NDST4: variants seen among roughly 807,000 people sequenced by gnomAD.
The protein encoded by NDST4 is N-deacetylase and N-sulfotransferase 4, also known as N-heparan sulfate sulfotransferase 4.
Under a neutral mutation model 100.8 loss-of-function variants are expected in NDST4, and 63 were observed. The observed-to-expected ratio is 0.62, with a 90% CI of 0.51 to 0.77. The LOEUF (loss-of-function observed/expected upper bound fraction) is 0.77. Among genes scored for constraint, NDST4 ranks in the 30% least tolerant of loss-of-function variants. The probability of loss-of-function intolerance (pLI) is 0.00; values close to 1 mark genes in which losing one functional copy is unlikely to be tolerated. For missense variants in NDST4, 943 were observed against 1,018.4 expected (o/e 0.93, Z 1.01); for synonymous variants, 377 against 361.8 (o/e 1.04, Z -0.48).
At chr4:114,978,242 A>T (rs189895393) in intron 2 of NDST4, among the ~76,000 whole-genome samples, 12 of 152,140 alleles carry the variant, frequency 7.9e-5, no homozygotes, top group Admixed American at 7.2e-4. Flanking sequence ...ACTCCTATCC[A>T]TCTGTTATGG....
At chr4:115,079,986 T>C (rs1216910896) in intron 1 of NDST4, among the ~76,000 whole-genome samples, 1 of 152,158 alleles carries the variant, frequency 6.6e-6, no homozygotes, top group Non-Finnish European at 1.5e-5. Context: ...ACACTTCAGA[T>C]TCCAAATATA....
intron 2 of NDST4, among the ~76,000 whole-genome samples, chr4:114,983,791 A>G (rs2126247771): frequency 6.6e-6 from 1 of 152,132 alleles, no homozygotes; most frequent in Admixed American, 6.5e-5. Context: ...TCCCCACCCA[A>G]ATCTCATGTC....
At chr4:114,895,083 G>A (rs1228598149) in intron 6 of NDST4, among the ~76,000 whole-genome samples, 5 of 151,994 alleles carry the variant, frequency 3.3e-5, no homozygotes, top group South Asian at 2.1e-4. Flanking sequence ...AAGAGCTAGA[G>A]AAGCAAGATC....
chr4:115,082,681 G>T (rs1578508880), intron 1 of NDST4, among the ~76,000 whole-genome samples: 1 of 151,970 alleles, frequency 6.6e-6, no homozygotes, highest in Non-Finnish European at 1.5e-5. Flanking sequence ...TACTCTTTAT[G>T]GATCTATTTT....
chr4:114,929,097 CATCCATCCATCCATCCATCT>C (rs1444650928), intron 6 of NDST4, among the ~76,000 whole-genome samples: 94 of 126,482 alleles, frequency 7.4e-4, no homozygotes, highest in African/African-American at 1.8e-3. Flanking sequence ...TCCATCCATC[CATCCATCCATCCATCCATCT>C]ATCTATCTAT....
intron 7 of NDST4, among the ~76,000 whole-genome samples, chr4:114,870,247 G>A (rs1331394015): frequency 6.6e-6 from 1 of 152,146 alleles, no homozygotes; most frequent in Admixed American, 6.6e-5. Flanking sequence ...TCTAATATTA[G>A]TGAAAGATCT....
intron 6 of NDST4, among the ~76,000 whole-genome samples, chr4:114,883,034 A>T (rs1657078059): frequency 6.6e-6 from 1 of 152,096 alleles, no homozygotes; most frequent in Non-Finnish European, 1.5e-5. Context: ...ATAAACACTC[A>T]CAGAAAAACA....
intron 4 of NDST4, among the ~76,000 whole-genome samples, chr4:114,946,997 A>G (rs992115807): frequency 6.6e-6 from 1 of 152,080 alleles, no homozygotes; most frequent in African/African-American, 2.4e-5. Context: ...TTTCATTGAA[A>G]TAAGAAACAA....
chr4:114,908,086 T>C (rs1724990020), intron 6 of NDST4, among the ~76,000 whole-genome samples: 1 of 152,144 alleles, frequency 6.6e-6, no homozygotes, highest in Non-Finnish European at 1.5e-5. Flanking sequence ...GTAAGAAATA[T>C]TCAACAACAG....
At chr4:114,866,979 T>C (rs543861963) in intron 7 of NDST4, among the ~76,000 whole-genome samples, 12 of 152,302 alleles carry the variant, frequency 7.9e-5, no homozygotes, top group Admixed American at 2.0e-4. Flanking sequence ...ACTTGCTTTT[T>C]TAATTGTAAA....
chr4:114,995,751 T>C (rs1442496610), intron 2 of NDST4, among the ~76,000 whole-genome samples: 1 of 152,128 alleles, frequency 6.6e-6, no homozygotes, highest in Admixed American at 6.6e-5. Flanking sequence ...TTAAAATCTC[T>C]CTGTAACTTA....
intron 4 of NDST4, among the ~76,000 whole-genome samples, chr4:114,958,195 C>A (rs1726181224): frequency 6.6e-6 from 1 of 152,222 alleles, no homozygotes; most frequent in African/African-American, 2.4e-5. Context: ...GCGTGGACAT[C>A]CAGGCATTTC....
intron 2 of NDST4, among the ~76,000 whole-genome samples, chr4:115,057,132 A>G (rs893754046): frequency 6.6e-6 from 1 of 152,294 alleles, no homozygotes; most frequent in East Asian, 1.9e-4. Context: ...TTTGGTTATA[A>G]GAAATGTTTT....
intron 6 of NDST4, among the ~76,000 whole-genome samples, chr4:114,904,788 A>G (rs546463385): frequency 3.9e-4 from 59 of 152,038 alleles, no homozygotes; most frequent in African/African-American, 1.3e-3. Context: ...TAGGCATGTC[A>G]TATCTATATT....
chr4:114,928,524 C>A (rs1026091971), intron 6 of NDST4, among the ~76,000 whole-genome samples: 4 of 152,088 alleles, frequency 2.6e-5, no homozygotes, highest in African/African-American at 9.7e-5. Context: ...AGTCTGCCTG[C>A]CACATTAAGT....
At chr4:114,878,369 T>A (rs944306791) in intron 6 of NDST4, among the ~76,000 whole-genome samples, 4 of 152,152 alleles carry the variant, frequency 2.6e-5, no homozygotes, top group African/African-American at 9.7e-5. Flanking sequence ...TTTGGATGTG[T>A]GAAGAACTAA....
chr4:114,988,565 G>A (rs1726965697), intron 2 of NDST4, among the ~76,000 whole-genome samples: 1 of 151,532 alleles, frequency 6.6e-6, no homozygotes, highest in African/African-American at 2.4e-5. Context: ...GTTTCACTGT[G>A]TTAGCCAGGA....
chr4:114,846,026 T>C (rs770378899), intron 9 of NDST4, 29 bp from the exon 10 acceptor site: 27 of 1,510,826 alleles, frequency 1.8e-5, no homozygotes, highest in Non-Finnish European at 2.4e-5. Flanking sequence ...AATTAATTAA[T>C]CTGAAAATAA....
At chr4:114,845,034 T>TA (rs111576387) in intron 10 of NDST4, among the ~76,000 whole-genome samples, 8,283 of 151,976 alleles carry the variant, frequency 0.055, 620 homozygotes, top group African/African-American at 0.17. Context: ...GTCAAGATAC[T>TA]AAAAAAAAGA....
Sources: gnomAD v4.1 joint callset for allele counts (sites outside exome capture counted in the v4.1 genomes callset) on GRCh38, gnomAD v4.1.1 for gene constraint, MANE v1.5 for transcripts, NCBI Gene and HGNC (gene_info 2026-07-23, HGNC 2026-07-21) for gene names.